Variants in TRAPPC9 observed in about 807,000 individuals in gnomAD.
The protein encoded by TRAPPC9 is trafficking protein particle complex subunit 9, also known as IKK2 binding protein.
TRAPPC9 carries 83 observed loss-of-function variants against 124.0 expected under a neutral mutation model. That is an observed-to-expected ratio of 0.67 (90% confidence interval 0.56 to 0.80). The LOEUF is 0.80. TRAPPC9 is among the 30% of genes least tolerant of loss of function. The probability of loss-of-function intolerance (pLI) is 0.00; values close to 1 mark genes in which losing one functional copy is unlikely to be tolerated. For missense variants in TRAPPC9, 1,302 were observed against 1,508.3 expected (o/e 0.86, Z 2.27); for synonymous variants, 638 against 617.5 (o/e 1.03, Z -0.49).
At chr8:140,309,153 C>T (rs574797983) in intron 10 of TRAPPC9, among the ~76,000 whole-genome samples, 89 of 152,348 alleles carry the variant, frequency 5.8e-4, no homozygotes, top group African/African-American at 2.0e-3. Context: ...GTGAATGTTA[C>T]AGTACTTTTC....
chr8:140,401,771 G>A (rs1321335377), intron 6 of TRAPPC9, among the ~76,000 whole-genome samples: 3 of 151,888 alleles, frequency 2.0e-5, no homozygotes, highest in East Asian at 3.9e-4. Flanking sequence ...CAGCAGGTGT[G>A]CACCACCACA....
At chr8:140,020,575 A>C (rs1353017992) in intron 18 of TRAPPC9, among the ~76,000 whole-genome samples, 1 of 152,140 alleles carries the variant, frequency 6.6e-6, no homozygotes, top group East Asian at 1.9e-4. Context: ...ACAGTGAGCT[A>C]TGATGGTGCC....
At chr8:139,938,378 G>A (rs572686455) in intron 19 of TRAPPC9, among the ~76,000 whole-genome samples, 17 of 152,074 alleles carry the variant, frequency 1.1e-4, no homozygotes, top group South Asian at 2.1e-4. Flanking sequence ...TCCGCCTCCC[G>A]GGTTCACGCC....
At chr8:140,429,759 T>C (rs965442982) in intron 4 of TRAPPC9, among the ~76,000 whole-genome samples, 1 of 151,890 alleles carries the variant, frequency 6.6e-6, no homozygotes, top group African/African-American at 2.4e-5. Flanking sequence ...TGAGCCAAGA[T>C]TGTGCCATTG....
chr8:139,890,066 C>T lies in TRAPPC9; in HGVS notation c.2965-4097G>A, dbSNP rs545677948. 3.5e-4 allele frequency among the ~76,000 whole-genome samples: 53 copies of T among 152,362 alleles called. No homozygotes were observed. The South Asian group carries it at 7.9e-3, about 23-fold the overall frequency. On this transcript the variant is annotated intron_variant, in intron 20 of 22. Transcript: ENST00000438773. ...GCCGCCGCCCCGGGCCTGTTTTGAG[C>T]GCCAGCAGCAGCGAGGCACCCCTCA...
At chr8:140,019,500 T>C (rs1319046620) in intron 18 of TRAPPC9, among the ~76,000 whole-genome samples, 2 of 151,852 alleles carry the variant, frequency 1.3e-5, no homozygotes, top group South Asian at 2.1e-4. Flanking sequence ...ACTATTTATT[T>C]TTTCTATTTC....
At chr8:140,067,983 T>C (rs1342693367) in intron 17 of TRAPPC9, among the ~76,000 whole-genome samples, 3 of 149,786 alleles carry the variant, frequency 2.0e-5, no homozygotes, top group African/African-American at 7.5e-5. Flanking sequence ...GTTTTCTCAT[T>C]AGGCAAGTAA....
chr8:140,018,324 A>ATTTTTTCTTTTTTTTTTTTTTTTTTTCTT lies in TRAPPC9; in HGVS notation c.2699+5612_2699+5613insAAGAAAAAAAAAAAAAAAAAAAGAAAAAA, dbSNP rs765656679. 1.1e-3 allele frequency among the ~76,000 whole-genome samples: 132 copies of ATTTTTTCTTTTTTTTTTTTTTTTTTTCTT among 119,726 alleles called. 12 individuals are homozygous for ATTTTTTCTTTTTTTTTTTTTTTTTTTCTT. Among genetic ancestry groups the ATTTTTTCTTTTTTTTTTTTTTTTTTTCTT allele is most frequent in the African/African-American group, 3.9e-3 (119 of 30,642 alleles). The allele number at this position is 119,726 out of a possible 152,430, so 78.5% of individuals were successfully genotyped here. A position where few individuals can be genotyped will look rare whatever the true frequency, so the allele number is the denominator to read the frequency against. ...TTGCTGGTATATAGAAACGTAAGTGATTTTTTTTTTTTTTTTTGAGACGGA... is the reference window on the plus strand; with the variant it reads ...TTGCTGGTATATAGAAACGTAAGTGATTTTTTCTTTTTTTTTTTTTTTTTTTCTTTTTTTTTTTTTTTTTTTGAGACGGA... On this transcript the variant is annotated intron_variant, in intron 18 of 22. Transcript: ENST00000438773.
chr8:139,986,265 C>CA (rs1483327416), intron 19 of TRAPPC9, among the ~76,000 whole-genome samples: 9 of 151,690 alleles, frequency 5.9e-5, no homozygotes, highest in Non-Finnish European at 1.3e-4. Context: ...AACCAAAAAA[C>CA]AAAAAAACTG....
intron 19 of TRAPPC9, among the ~76,000 whole-genome samples, chr8:139,986,060 T>C (rs758907885): frequency 9.9e-5 from 15 of 151,942 alleles, no homozygotes; most frequent in Non-Finnish European, 2.1e-4. Flanking sequence ...CTGACCAACA[T>C]GGTGAAATCC....
At chr8:140,065,683 C>G (rs909005974) in intron 17 of TRAPPC9, among the ~76,000 whole-genome samples, 1 of 152,180 alleles carries the variant, frequency 6.6e-6, no homozygotes, top group Non-Finnish European at 1.5e-5. Flanking sequence ...AGCATGGTTT[C>G]CTGAATATTT....
intron 17 of TRAPPC9, among the ~76,000 whole-genome samples, chr8:140,196,748 C>T (rs2062679914): frequency 6.6e-6 from 1 of 151,374 alleles, no homozygotes. Context: ...ACCTGTGACA[C>T]TAAAACACAC....
At chr8:139,768,533 G>A (rs1349854406) in intron 21 of TRAPPC9, among the ~76,000 whole-genome samples, 2 of 152,216 alleles carry the variant, frequency 1.3e-5, no homozygotes, top group Non-Finnish European at 2.9e-5. Flanking sequence ...CTAGAAAGCT[G>A]CATACCTATC....
At position 140,015,924 on chromosome 8, in the gene TRAPPC9, G is replaced by C. The variant is rs1011272886; in HGVS notation, c.2699+8013C>G. Among the ~76,000 whole-genome samples the C allele has an allele frequency of 1.0e-3, 158 of 152,186 alleles. 1 individual carries two copies. Among genetic ancestry groups the C allele is most frequent in the Non-Finnish European group, 6.8e-4 (46 of 68,044 alleles). On this transcript the variant is annotated intron_variant, in intron 18 of 22. Transcript: ENST00000438773. Reference sequence around the variant, plus strand: ...CACCTTCCCCGGCTGCCCACCGTGGGGCAAGGCGCTAGGTCCTGGGAGGCA... The same window carrying C: ...CACCTTCCCCGGCTGCCCACCGTGGCGCAAGGCGCTAGGTCCTGGGAGGCA...
At chr8:139,775,716 A>C (rs996997955) in intron 21 of TRAPPC9, among the ~76,000 whole-genome samples, 1 of 152,192 alleles carries the variant, frequency 6.6e-6, no homozygotes, top group Non-Finnish European at 1.5e-5. Flanking sequence ...ACATCCCCCT[A>C]GCTGGCCACT....
At chr8:139,912,951 G>C (rs6998700) in intron 19 of TRAPPC9, among the ~76,000 whole-genome samples, 32,909 of 152,156 alleles carry the variant, frequency 0.22, 3,764 homozygotes, top group African/African-American at 0.31. Context: ...GCCAGCTTAA[G>C]TTCACTGCTT....
At chr8:140,458,482 C>T (rs778011112), upstream of TRAPPC9, 1 of 1,573,320 alleles carries the variant, frequency 6.4e-7, no homozygotes, top group Non-Finnish European at 8.6e-7. Flanking sequence ...TCGCAGGGCC[C>T]GGGAGGCACG....
At chr8:140,079,121 C>T (rs1843669976) in intron 17 of TRAPPC9, among the ~76,000 whole-genome samples, 1 of 152,194 alleles carries the variant, frequency 6.6e-6, no homozygotes, top group African/African-American at 2.4e-5. Context: ...CCTGCACATG[C>T]TCTCTTGCCT....
At chr8:140,330,004 G>T in intron 9 of TRAPPC9, among the ~76,000 whole-genome samples, 1 of 152,058 alleles carries the variant, frequency 6.6e-6, no homozygotes, top group Non-Finnish European at 1.5e-5. Context: ...ACTTGAACCT[G>T]GGAGGCAGAA....
Sources: allele counts gnomAD v4.1 joint callset (sites outside exome capture counted in the v4.1 genomes callset), GRCh38; gene constraint gnomAD v4.1.1; transcripts MANE v1.5; gene names NCBI Gene and HGNC (gene_info 2026-07-23, HGNC 2026-07-21).